GABRB1: variants seen among roughly 807,000 people sequenced by gnomAD.
GABRB1 encodes gamma-aminobutyric acid receptor subunit beta-1.
A neutral mutation model predicts 51.6 loss-of-function variants in GABRB1; 17 were observed. That is an observed-to-expected ratio of 0.33 (90% confidence interval 0.23 to 0.49). GABRB1 has a LOEUF of 0.49. Ranked by LOEUF, GABRB1 falls within the 20% of genes least tolerant of loss-of-function variation. GABRB1 has a pLI of 0.99. For synonymous variants in GABRB1, 247 were observed against 218.9 expected, an observed-to-expected ratio of 1.13 and a Z score of -1.14; for missense variants, 410 against 600.6, an observed-to-expected ratio of 0.68 and a Z score of 3.32.
intron 8 of GABRB1, among the ~76,000 whole-genome samples, chr4:47,410,596 C>T (rs1415706872): frequency 6.6e-6 from 1 of 152,168 alleles, no homozygotes; most frequent in African/African-American, 2.4e-5. Flanking sequence ...TGAGCCACAA[C>T]AGAAACTCGA....
chr4:47,366,071 A>G (rs897704414), intron 5 of GABRB1, among the ~76,000 whole-genome samples: 1 of 152,208 alleles, frequency 6.6e-6, no homozygotes, highest in Non-Finnish European at 1.5e-5. Context: ...ATTTAATTTT[A>G]GCATTCTTCA....
intron 5 of GABRB1, among the ~76,000 whole-genome samples, chr4:47,353,050 T>C (rs781436221): frequency 6.6e-6 from 1 of 152,284 alleles, no homozygotes; most frequent in Non-Finnish European, 1.5e-5. Flanking sequence ...TCTTACATGA[T>C]GGCAGCAAGA....
At chr4:47,281,988 A>G (rs957492948) in intron 4 of GABRB1, among the ~76,000 whole-genome samples, 1 of 152,176 alleles carries the variant, frequency 6.6e-6, no homozygotes, top group African/African-American at 2.4e-5. Flanking sequence ...CACGGTTAGT[A>G]TGATGTATTA....
chr4:47,357,397 G>C (rs1443013089), intron 5 of GABRB1, among the ~76,000 whole-genome samples: 1 of 152,198 alleles, frequency 6.6e-6, no homozygotes. Context: ...TGTGGTGAAT[G>C]TTGGTCATTT....
chr4:47,197,261 G>T (rs1414102890), intron 4 of GABRB1, among the ~76,000 whole-genome samples: 1 of 152,184 alleles, frequency 6.6e-6, no homozygotes, highest in Non-Finnish European at 1.5e-5. Flanking sequence ...ATATATGTTT[G>T]ATCTACAGTT....
At chr4:47,037,569 T>TC (rs397761296) in intron 3 of GABRB1, among the ~76,000 whole-genome samples, 3 of 150,986 alleles carry the variant, frequency 2.0e-5, no homozygotes, top group Non-Finnish European at 4.4e-5. Flanking sequence ...TTTTTTTTTT[T>TC]ACTCTAAGCC....
chr4:47,303,617 C>G (rs1724342720), intron 4 of GABRB1, among the ~76,000 whole-genome samples: 1 of 151,724 alleles, frequency 6.6e-6, no homozygotes, highest in South Asian at 2.1e-4. Flanking sequence ...ACCTTTTTAT[C>G]ATTTATTTTT....
At chr4:47,274,116 C>G (rs1299479524) in intron 4 of GABRB1, among the ~76,000 whole-genome samples, 20 of 152,070 alleles carry the variant, frequency 1.3e-4, no homozygotes, top group Admixed American at 1.3e-3. Flanking sequence ...TTTCTCAACT[C>G]TTAAAGCAAG....
chr4:47,400,526 G>GTCTCTCTCTC (rs56896606), intron 5 of GABRB1, among the ~76,000 whole-genome samples: 1,714 of 117,876 alleles, frequency 0.015, 25 homozygotes, highest in African/African-American at 0.031. Context: ...CCAGGAGGTA[G>GTCTCTCTCTC]TCTCTCTCTC....
intron 3 of GABRB1, among the ~76,000 whole-genome samples, chr4:47,097,546 C>T (rs577108812): frequency 1.3e-3 from 194 of 152,302 alleles, no homozygotes; most frequent in Non-Finnish European, 2.4e-3. Context: ...ATCTATTTTA[C>T]ATATTTATAT....
chr4:47,290,182 G>A (rs1378826910), intron 4 of GABRB1, among the ~76,000 whole-genome samples: 1 of 152,226 alleles, frequency 6.6e-6, no homozygotes, highest in Non-Finnish European at 1.5e-5. Context: ...GAATTCCCAA[G>A]TGTTGTGGAA....
intron 3 of GABRB1, chr4:47,033,034 T>C (rs1413107125): frequency 1.8e-5 from 5 of 281,500 alleles, no homozygotes; most frequent in Admixed American, 4.4e-5. Flanking sequence ...CAACAGTCCA[T>C]GTTTGCTAGT....
At chr4:47,160,962 A>C (rs935671180) in intron 3 of GABRB1, among the ~76,000 whole-genome samples, 1 of 151,612 alleles carries the variant, frequency 6.6e-6, no homozygotes, top group Non-Finnish European at 1.5e-5. Context: ...AACTTTAAAA[A>C]AATTATTTTT....
intron 3 of GABRB1, among the ~76,000 whole-genome samples, chr4:47,157,631 G>A (rs150397263): frequency 2.7e-4 from 41 of 152,200 alleles, no homozygotes; most frequent in Middle Eastern, 3.4e-3. Flanking sequence ...TGAGAACCAC[G>A]AGCACAGAGC....
At chr4:47,036,960 G>C in intron 3 of GABRB1, among the ~76,000 whole-genome samples, 1 of 151,992 alleles carries the variant, frequency 6.6e-6, no homozygotes, top group Non-Finnish European at 1.5e-5. Context: ...TATTATTTAA[G>C]TTGCAGGTAG....
chr4:47,181,643 A>T (rs140187692), intron 4 of GABRB1, among the ~76,000 whole-genome samples: 1 of 152,164 alleles, frequency 6.6e-6, no homozygotes, highest in Admixed American at 6.6e-5. Flanking sequence ...TAAGGGCAAT[A>T]ATGAGAAATA....
chr4:47,031,588 A>T lies in GABRB1; in HGVS notation c.-64A>T. ...GTCCATTCGGGAATTACTGCCCAGCAGCCGACTAAGTTGCATTCCTTGAAT... is the reference window on the plus strand; with the variant it reads ...GTCCATTCGGGAATTACTGCCCAGCTGCCGACTAAGTTGCATTCCTTGAAT... On this transcript the variant is annotated 5_prime_UTR_variant, in exon 1 of 9. Coordinates refer to ENST00000295454, the MANE Select transcript of GABRB1 (RefSeq NM_000812.4). 3 of 1,380,984 alleles carry T rather than the reference A, an allele frequency of 2.2e-6. No homozygotes were observed. The highest frequency in any genetic ancestry group is 3.6e-4 in the Middle Eastern group (2 of 5,606). The allele number at this position is 1,380,984 out of a possible 1,614,324, so 85.5% of individuals were successfully genotyped here. A position where few individuals can be genotyped will look rare whatever the true frequency, so the allele number is the denominator to read the frequency against.
chr4:47,423,034 GCACCC>G (rs1578161578), intron 8 of GABRB1, among the ~76,000 whole-genome samples: 1 of 151,730 alleles, frequency 6.6e-6, no homozygotes, highest in African/African-American at 2.4e-5. Flanking sequence ...TATCCCCTGA[GCACCC>G]CAATAGCTCT....
rs67749563 is a variant in GABRB1 at position 47,140,093 on chromosome 4, A to AACAC, written c.241-21110_241-21107dup. Among the ~76,000 whole-genome samples the AACAC allele has an allele frequency of 6.0e-3, 806 of 135,392 alleles. 7 individuals are homozygous for AACAC. The highest frequency in any genetic ancestry group is 0.021 in the Middle Eastern group (6 of 280). The allele number at this position is 135,392 out of a possible 152,430, so 88.8% of individuals were successfully genotyped here. A position where few individuals can be genotyped will look rare whatever the true frequency, so the allele number is the denominator to read the frequency against. On this transcript the variant is annotated intron_variant, in intron 3 of 8. Coordinates refer to ENST00000295454, the MANE Select transcript of GABRB1 (RefSeq NM_000812.4). ...ATATTCCTGGTAACTAAATTAAATT[A>AACAC]ACACACACACACACACACACACACA...
Sources: gnomAD v4.1 joint callset for allele counts (sites outside exome capture counted in the v4.1 genomes callset) on GRCh38, gnomAD v4.1.1 for gene constraint, MANE v1.5 for transcripts, NCBI Gene and HGNC (gene_info 2026-07-23, HGNC 2026-07-21) for gene names.